The following PARP8 variants were observed in gnomAD, a reference collection of about 807,000 sequenced individuals.
PARP8 encodes poly(ADP-ribose) polymerase family member 8.
Under a neutral mutation model 124.1 loss-of-function variants are expected in PARP8, and 51 were observed. That is an observed-to-expected ratio of 0.41 (90% CI 0.33 to 0.52). PARP8 has a LOEUF of 0.52. Among genes scored for constraint, PARP8 ranks in the 20% least tolerant of loss-of-function variants. The pLI, the probability that PARP8 is intolerant of heterozygous loss-of-function variation, is 0.21. For synonymous variants in PARP8, 391 were observed against 361.5 expected, an observed-to-expected ratio of 1.08 and a Z score of -0.93; for missense variants, 860 against 1,018.9, an observed-to-expected ratio of 0.84 and a Z score of 2.12.
At chr5:50,714,187 C>T (rs1755065922) in intron 2 of PARP8, among the ~76,000 whole-genome samples, 1 of 151,458 alleles carries the variant, frequency 6.6e-6, no homozygotes, top group South Asian at 2.1e-4. Context: ...GGGAAGAGCC[C>T]CACATTTTCT....
At chr5:50,670,664 C>T (rs1749905894) in intron 2 of PARP8, among the ~76,000 whole-genome samples, 1 of 152,154 alleles carries the variant, frequency 6.6e-6, no homozygotes, top group Non-Finnish European at 1.5e-5. Context: ...GGAATTATAT[C>T]CTTGCTTTTG....
intron 2 of PARP8, among the ~76,000 whole-genome samples, chr5:50,689,721 T>A (rs1296057031): frequency 1.3e-5 from 2 of 152,184 alleles, no homozygotes; most frequent in Non-Finnish European, 2.9e-5. Flanking sequence ...GAACACTTCG[T>A]GAGGTTGATG....
chr5:50,835,469 G>A (rs1054566955), intron 25 of PARP8, among the ~76,000 whole-genome samples: 1 of 152,168 alleles, frequency 6.6e-6, no homozygotes, highest in Non-Finnish European at 1.5e-5. Context: ...GAACCCAAGA[G>A]GTGGAGGTTG....
chr5:50,766,919 A>G (rs918599147), intron 7 of PARP8, among the ~76,000 whole-genome samples: 1 of 152,222 alleles, frequency 6.6e-6, no homozygotes, highest in Non-Finnish European at 1.5e-5. Context: ...ACTGCTTTAC[A>G]TTCTCTGGAT....
chr5:50,845,698 T>C lies in PARP8; in HGVS notation c.*3630T>C, dbSNP rs1748560630. On this transcript the variant is annotated 3_prime_UTR_variant, in exon 26 of 26. Coordinates refer to ENST00000281631, the MANE Select transcript of PARP8 (RefSeq NM_024615.4). The stretch of plus-strand genomic sequence containing the variant: ...ACCCAATGAATTATTTGAAACAATT[T>C]GGGTTGCAAAATTTGAAATTAATTA... The C allele has an allele frequency of 1.3e-5, 2 of 151,740 alleles. No individual in the cohort carries two copies. Among genetic ancestry groups the C allele is most frequent in the South Asian group, 2.1e-4 (1 of 4,830 alleles). 9.4% of individuals were successfully genotyped at this position (151,740 alleles called of 1,614,324 possible). A position where few individuals can be genotyped will look rare whatever the true frequency, so the allele number is the denominator to read the frequency against.
At chr5:50,785,044 C>A (rs923922602) in intron 9 of PARP8, among the ~76,000 whole-genome samples, 66 of 151,750 alleles carry the variant, frequency 4.3e-4, no homozygotes, top group Non-Finnish European at 6.3e-4. Flanking sequence ...TAATTAATTA[C>A]ATTTATTTTA....
At chr5:50,675,164 A>G (rs1162196039) in intron 2 of PARP8, among the ~76,000 whole-genome samples, 2 of 152,202 alleles carry the variant, frequency 1.3e-5, no homozygotes, top group African/African-American at 4.8e-5. Flanking sequence ...TCTGTGTACA[A>G]AAATTAGCAG....
intron 2 of PARP8, among the ~76,000 whole-genome samples, chr5:50,747,679 G>A (rs1421809807): frequency 1.3e-5 from 2 of 150,014 alleles, no homozygotes; most frequent in East Asian, 3.9e-4. Flanking sequence ...TTGTTTGCAT[G>A]GTGTATCTTT....
chr5:50,821,155 T>C lies in PARP8; in HGVS notation c.1669-58T>C, dbSNP rs1745719434. 8.1e-6 allele frequency: 13 copies of C among 1,596,650 alleles called. No homozygotes were observed. In the Admixed American group the frequency reaches 1.7e-4, roughly 21 times the overall value. On this transcript the variant is annotated intron_variant, in intron 15 of 25. Coordinates refer to ENST00000281631, the MANE Select transcript of PARP8 (RefSeq NM_024615.4). The stretch of plus-strand genomic sequence containing the variant: ...ATGCTACCTTGAGAGGGAGAAACAA[T>C]GGCAAAGCACTGGATAAAACCTGAA...
intron 25 of PARP8, among the ~76,000 whole-genome samples, chr5:50,835,403 C>T (rs1212252704): frequency 2.6e-5 from 4 of 152,006 alleles, no homozygotes; most frequent in Non-Finnish European, 4.4e-5. Context: ...ATTAGCTGGG[C>T]GCGGTGGTGC....
At chr5:50,732,074 A>C (rs1204528757) in intron 2 of PARP8, among the ~76,000 whole-genome samples, 1 of 152,230 alleles carries the variant, frequency 6.6e-6, no homozygotes, top group Non-Finnish European at 1.5e-5. Flanking sequence ...ACATTAGGCC[A>C]CCAGGGTTTC....
intron 2 of PARP8, among the ~76,000 whole-genome samples, chr5:50,674,927 G>A (rs1579907044): frequency 6.6e-6 from 1 of 152,182 alleles, no homozygotes; most frequent in Admixed American, 6.5e-5. Context: ...AAGAGGAGAG[G>A]ATAGTGAAAT....
intron 2 of PARP8, among the ~76,000 whole-genome samples, chr5:50,681,289 AT>A (rs536160218): frequency 2.0e-5 from 3 of 152,192 alleles, no homozygotes; most frequent in Admixed American, 1.3e-4. Flanking sequence ...GTATCTGAAG[AT>A]TTTTTTGGCC....
rs750483154 is a variant in PARP8, at chr5:50,795,371, T to C, written c.1382T>C (p.Leu461Pro). 2.5e-6 allele frequency: 4 copies of C among 1,612,434 alleles called. No individual in the cohort carries two copies. In the Admixed American group the frequency reaches 6.7e-5, roughly 27 times the overall value. ...EGRRLSLTSG[L>P]IGILTPSSSS... ...AGGAGGCTCTCTCTTACCTCAGGGC[T>C]TATTGGTATCCTAACACCATCTTCA... Residue 461 changes from leucine to proline, a missense_variant, in exon 12 of 26, where the codon CTT becomes CCT. Coordinates refer to ENST00000281631, the MANE Select transcript of PARP8 (RefSeq NM_024615.4).
chr5:50,788,208 A>G (rs1334487362), intron 9 of PARP8, among the ~76,000 whole-genome samples: 2 of 147,292 alleles, frequency 1.4e-5, no homozygotes, highest in Non-Finnish European at 3.0e-5. Context: ...TATAATATAT[A>G]TTATTATACA....
chr5:50,838,658 C>G (rs1412762440), intron 25 of PARP8, among the ~76,000 whole-genome samples: 2 of 152,042 alleles, frequency 1.3e-5, no homozygotes, highest in East Asian at 3.9e-4. Flanking sequence ...ACTGCCCAGA[C>G]AGGCTGATAG....
At chr5:50,754,150 T>TATATATATACACACAC (rs1312947286) in intron 3 of PARP8, among the ~76,000 whole-genome samples, 1 of 37,186 alleles carries the variant, frequency 2.7e-5, no homozygotes, top group African/African-American at 1.2e-4. Context: ...TATATATATA[T>TATATATATACACACAC]ACACACACAC....
intron 2 of PARP8, among the ~76,000 whole-genome samples, chr5:50,700,267 C>G (rs1217180543): frequency 1.3e-5 from 2 of 152,112 alleles, no homozygotes; most frequent in African/African-American, 4.8e-5. Context: ...GTGAACTTAC[C>G]TTTAAATGGT....
intron 2 of PARP8, among the ~76,000 whole-genome samples, chr5:50,731,724 T>A (rs1290134558): frequency 6.6e-6 from 1 of 152,224 alleles, no homozygotes; most frequent in Admixed American, 6.5e-5. Flanking sequence ...CTTAGTCTCA[T>A]GAGTAATCTT....
Sources: gnomAD v4.1 joint callset for allele counts (sites outside exome capture counted in the v4.1 genomes callset) on GRCh38, gnomAD v4.1.1 for gene constraint, MANE v1.5 for transcripts, NCBI Gene and HGNC (gene_info 2026-07-23, HGNC 2026-07-21) for gene names.